ANO4: variants seen among roughly 807,000 people sequenced by gnomAD.
ANO4 encodes anoctamin-4.
In ANO4, 69 loss-of-function variants were observed where a neutral mutation model predicts 141.9. The observed-to-expected ratio is 0.49, with a 90% CI of 0.40 to 0.59. The LOEUF (loss-of-function observed/expected upper bound fraction) is 0.59, where lower values mean the gene tolerates loss of function less well. Among genes scored for constraint, ANO4 ranks in the 20% least tolerant of loss-of-function variants. The pLI, the probability that ANO4 is intolerant of heterozygous loss-of-function variation, is 0.00. For synonymous variants in ANO4, 350 were observed against 394.3 expected, an observed-to-expected ratio of 0.89 and a Z score of 1.33; for missense variants, 894 against 1,162.2, an observed-to-expected ratio of 0.77 and a Z score of 3.36.
chr12:100,869,769 G>C (rs1166221584), intron 1 of ANO4, among the ~76,000 whole-genome samples: 1 of 152,066 alleles, frequency 6.6e-6, no homozygotes, highest in Non-Finnish European at 1.5e-5. Flanking sequence ...TTTTCCTTTT[G>C]TACACCTTCT....
chr12:101,045,990 G>A (rs1320766444), intron 13 of ANO4, among the ~76,000 whole-genome samples: 1 of 152,166 alleles, frequency 6.6e-6, no homozygotes, highest in African/African-American at 2.4e-5. Flanking sequence ...CATTATTTTG[G>A]CCTGTTGGGT....
rs77922152 is a variant in ANO4, at chr12:100,829,146, G to A, written c.-141+34119G>A. ...GTTTCTTTAAATAAATTAGTAGAGG[G>A]AAAAGCTGAATCGACATATGTTATC... On this transcript the variant is annotated intron_variant, in intron 1 of 27. Transcript: ENST00000392977. Among the ~76,000 whole-genome samples, 862 of 152,146 alleles carry A rather than the reference G, an allele frequency of 5.7e-3. 12 individuals carry two copies. The highest frequency in any genetic ancestry group is 0.02 in the African/African-American group (828 of 41,534).
intron 1 of ANO4, among the ~76,000 whole-genome samples, chr12:100,892,523 T>C (rs1418945799): frequency 6.6e-6 from 1 of 152,222 alleles, no homozygotes; most frequent in Middle Eastern, 3.2e-3. Context: ...TATTTGAGTT[T>C]AGTTACCTGT....
chr12:100,869,563 G>A (rs1399224765), intron 1 of ANO4, among the ~76,000 whole-genome samples: 2 of 152,114 alleles, frequency 1.3e-5, no homozygotes, highest in Non-Finnish European at 2.9e-5. Flanking sequence ...GAGACCCCTC[G>A]TATGAGCTGA....
intron 5 of ANO4, among the ~76,000 whole-genome samples, chr12:100,968,388 T>TA (rs2043770451): frequency 6.6e-6 from 1 of 152,222 alleles, no homozygotes; most frequent in Non-Finnish European, 1.5e-5. Flanking sequence ...ACCTAACACT[T>TA]ACAGTAAATC....
At chr12:100,968,491 G>A (rs993744820) in intron 5 of ANO4, among the ~76,000 whole-genome samples, 19 of 152,040 alleles carry the variant, frequency 1.2e-4, no homozygotes, top group Admixed American at 2.0e-4. Context: ...TGTCTTCGGT[G>A]TTGCCCAATT....
In ANO4 at chr12:100,865,069, G is replaced by A. The variant is rs1462417139; in HGVS notation, c.-140-36577G>A. Among the ~76,000 whole-genome samples the A allele has an allele frequency of 5.9e-5, 9 of 152,208 alleles. No homozygotes were observed. In the East Asian group the frequency reaches 1.2e-3, roughly 20 times the overall value. On this transcript the variant is annotated intron_variant, in intron 1 of 27. Transcript: ENST00000392977. ...GGGTTAGTTCCAAGTCTTTGCTATC[G>A]TGAATAGTGCTGCAATAAACATATG...
chr12:100,934,584 G>C (rs1267088978), intron 3 of ANO4, among the ~76,000 whole-genome samples: 1 of 150,596 alleles, frequency 6.6e-6, no homozygotes, highest in Non-Finnish European at 1.5e-5. Context: ...GCTCTTTTTT[G>C]GTTCCATATG....
chr12:101,098,019 T>C (rs2050051948), intron 21 of ANO4, 74 bp downstream of exon 21: 1 of 1,361,432 alleles, frequency 7.3e-7, no homozygotes. Context: ...GCAAGTAAGA[T>C]AAGCAATGCA....
intron 2 of ANO4, among the ~76,000 whole-genome samples, chr12:100,910,403 T>G (rs1160909174): frequency 6.6e-6 from 1 of 152,168 alleles, no homozygotes; most frequent in Non-Finnish European, 1.5e-5. Flanking sequence ...AAACCATTCA[T>G]CTTCATCTTG....
At chr12:100,806,524 G>GGTTTT (rs2035045491) in intron 1 of ANO4, among the ~76,000 whole-genome samples, 2 of 59,882 alleles carry the variant, frequency 3.3e-5, no homozygotes, top group South Asian at 7.2e-4. Flanking sequence ...TTTTTGTTTC[G>GGTTTT]TTTTTTTTTT....
chr12:101,108,012 C>T (rs1337284385), intron 22 of ANO4, among the ~76,000 whole-genome samples: 1 of 151,920 alleles, frequency 6.6e-6, no homozygotes, highest in East Asian at 1.9e-4. Flanking sequence ...AGGGAGGAAA[C>T]GAGAAGGGAC....
intron 1 of ANO4, among the ~76,000 whole-genome samples, chr12:100,899,134 G>A (rs972954914): frequency 6.6e-6 from 1 of 152,192 alleles, no homozygotes; most frequent in Non-Finnish European, 1.5e-5. Context: ...CAGAGTGCCT[G>A]GGGGCAGCCT....
intron 3 of ANO4, among the ~76,000 whole-genome samples, chr12:100,742,221 C>T (rs895251410): frequency 6.6e-6 from 1 of 152,174 alleles, no homozygotes; most frequent in South Asian, 2.1e-4. Flanking sequence ...GTTATAGATG[C>T]TGGTATAGTT....
chr12:100,717,361 TAG>T (rs1491376815), upstream of ANO4, among the ~76,000 whole-genome samples: 1 of 151,404 alleles, frequency 6.6e-6, no homozygotes, highest in Non-Finnish European at 1.5e-5. Flanking sequence ...CCGGCAGCTC[TAG>T]GGGCGAGCGC....
intron 5 of ANO4, among the ~76,000 whole-genome samples, chr12:100,964,251 G>C (rs965973143): frequency 6.6e-6 from 1 of 152,134 alleles, no homozygotes; most frequent in Admixed American, 6.6e-5. Flanking sequence ...TGAGAACCAG[G>C]CTCCATTCCT....
intron 1 of ANO4, among the ~76,000 whole-genome samples, 179 bp from the exon 2 acceptor site, chr12:100,901,467 G>A (rs2040588314): frequency 6.6e-6 from 1 of 152,136 alleles, no homozygotes; most frequent in Non-Finnish European, 1.5e-5. Context: ...TGACTGATTG[G>A]ATCCTGATTC....
chr12:100,941,651 G>A (rs1239336402), intron 4 of ANO4, among the ~76,000 whole-genome samples: 3 of 152,028 alleles, frequency 2.0e-5, no homozygotes, highest in African/African-American at 7.2e-5. Context: ...ATGTTGCCAT[G>A]AATATTCATA....
chr12:101,054,828 C>G (rs1029852032), intron 14 of ANO4, among the ~76,000 whole-genome samples: 3 of 150,248 alleles, frequency 2.0e-5, no homozygotes, highest in Non-Finnish European at 4.4e-5. Context: ...CCTCATGCCT[C>G]TGCAGTCAGT....
Sources: gnomAD v4.1 joint callset for allele counts (sites outside exome capture counted in the v4.1 genomes callset) on GRCh38, gnomAD v4.1.1 for gene constraint, MANE v1.5 for transcripts, NCBI Gene and HGNC (gene_info 2026-07-23, HGNC 2026-07-21) for gene names.